NCAM1: variants seen among roughly 807,000 people sequenced by gnomAD.
The protein encoded by NCAM1 is antigen recognized by monoclonal antibody 5.1H11.
Under a neutral mutation model 109.8 loss-of-function variants are expected in NCAM1, and 14 were observed. The ratio of observed to expected loss-of-function variants is 0.13; its 90% confidence interval spans 0.08 to 0.20. The LOEUF (loss-of-function observed/expected upper bound fraction) is 0.20, where lower values mean the gene tolerates loss of function less well. Ranked by LOEUF, NCAM1 falls within the 10% of genes least tolerant of loss-of-function variation. The pLI is 1.00. For synonymous variants in NCAM1, 418 were observed against 442.9 expected, an observed-to-expected ratio of 0.94 and a Z score of 0.70; for missense variants, 774 against 1,109.9, an observed-to-expected ratio of 0.70 and a Z score of 4.30.
chr11:113,083,929 T>G (rs12417093), intron 1 of NCAM1, among the ~76,000 whole-genome samples: 8,033 of 152,220 alleles, frequency 0.053, 589 homozygotes, highest in Admixed American at 0.17. Flanking sequence ...AAGAGCCAGT[T>G]GAACTAACTA....
At chr11:113,025,419 A>G (rs553593778) in intron 1 of NCAM1, among the ~76,000 whole-genome samples, 2 of 152,318 alleles carry the variant, frequency 1.3e-5, no homozygotes, top group South Asian at 4.1e-4. Flanking sequence ...GCTGGGTTAC[A>G]GTGGTAACCT....
chr11:113,141,712 G>A (rs782814026), intron 1 of NCAM1, among the ~76,000 whole-genome samples: 19 of 151,960 alleles, frequency 1.3e-4, no homozygotes, highest in Non-Finnish European at 2.2e-4. Flanking sequence ...TAGACAGAAA[G>A]TGCTCAAGTA....
intron 1 of NCAM1, among the ~76,000 whole-genome samples, chr11:113,058,580 A>T (rs1953799292): frequency 6.6e-6 from 1 of 152,192 alleles, no homozygotes; most frequent in Non-Finnish European, 1.5e-5. Flanking sequence ...CTTATTGAGT[A>T]GGATAATTTG....
chr11:113,127,094 T>C (rs1251544067), intron 1 of NCAM1, among the ~76,000 whole-genome samples: 2 of 152,192 alleles, frequency 1.3e-5, no homozygotes, highest in Non-Finnish European at 2.9e-5. Flanking sequence ...CAACACATTG[T>C]CCCTGTTCTA....
chr11:112,994,912 A>G (rs1278164473), intron 1 of NCAM1, among the ~76,000 whole-genome samples: 1 of 151,898 alleles, frequency 6.6e-6, no homozygotes, highest in African/African-American at 2.4e-5. Context: ...TCCTTTTATG[A>G]TAAAGGTATT....
intron 14 of NCAM1, among the ~76,000 whole-genome samples, chr11:113,243,318 C>T (rs1250856873): frequency 6.6e-6 from 1 of 152,096 alleles, no homozygotes; most frequent in African/African-American, 2.4e-5. Context: ...AGGAAGGAGC[C>T]GCTGCTTCCT....
intron 1 of NCAM1, among the ~76,000 whole-genome samples, chr11:113,190,328 T>C (rs1414644265): frequency 6.6e-6 from 1 of 152,192 alleles, no homozygotes; most frequent in Non-Finnish European, 1.5e-5. Context: ...CCACATAGCC[T>C]GAGGACTGTT....
At chr11:113,154,875 CTGGAGAT>C (rs1942354525) in intron 1 of NCAM1, among the ~76,000 whole-genome samples, 1 of 152,100 alleles carries the variant, frequency 6.6e-6, no homozygotes, top group East Asian at 1.9e-4. Context: ...TGGGGGTCTG[CTGGAGAT>C]TGGAGATATA....
At chr11:113,009,798 G>T (rs1378132966) in intron 1 of NCAM1, among the ~76,000 whole-genome samples, 1 of 152,108 alleles carries the variant, frequency 6.6e-6, no homozygotes, top group South Asian at 2.1e-4. Flanking sequence ...GGAAGACCCT[G>T]TTATTCATGA....
intron 1 of NCAM1, among the ~76,000 whole-genome samples, chr11:113,084,542 C>T (rs1403354784): frequency 6.6e-6 from 1 of 152,128 alleles, no homozygotes. Flanking sequence ...AGTGTTTCAC[C>T]TTTCTTCGTG....
intron 1 of NCAM1, among the ~76,000 whole-genome samples, chr11:113,091,059 G>A (rs1939321372): frequency 6.6e-6 from 1 of 152,194 alleles, no homozygotes; most frequent in Non-Finnish European, 1.5e-5. Context: ...GTATGTGTGG[G>A]ATGAGCTAGT....
At chr11:113,189,894 A>AC (rs1555109530) in intron 1 of NCAM1, among the ~76,000 whole-genome samples, 1 of 151,026 alleles carries the variant, frequency 6.6e-6, no homozygotes, top group African/African-American at 2.4e-5. Flanking sequence ...AAAAAAAAAA[A>AC]CTATGCTGGA....
At chr11:113,196,623 GT>G (rs1482927821) in intron 1 of NCAM1, among the ~76,000 whole-genome samples, 2 of 152,186 alleles carry the variant, frequency 1.3e-5, no homozygotes, top group Non-Finnish European at 2.9e-5. Context: ...GGATGGTTCT[GT>G]TTTTCCCTGT....
chr11:113,046,057 G>T lies in NCAM1; in HGVS notation c.52+84393G>T, dbSNP rs188609817. On this transcript the variant is annotated intron_variant, in intron 1 of 19. Transcript: ENST00000316851. ...AGCATTTGGGGAAAATAACATGGGA[G>T]AGACAGCACAGTTTGATAATTATTT... Among the ~76,000 whole-genome samples the T allele has an allele frequency of 1.2e-4, 18 of 152,274 alleles. No homozygotes were observed. In the South Asian group the frequency reaches 1.7e-3, roughly 14 times the overall value.
intron 7 of NCAM1, among the ~76,000 whole-genome samples, chr11:113,210,760 C>T (rs1944362335): frequency 6.9e-6 from 1 of 144,686 alleles, no homozygotes; most frequent in Admixed American, 7.3e-5. Context: ...GACACATACA[C>T]CCCTCTTCAT....
At chr11:113,179,812 G>T (rs1308065117) in intron 1 of NCAM1, among the ~76,000 whole-genome samples, 1 of 152,164 alleles carries the variant, frequency 6.6e-6, no homozygotes, top group African/African-American at 2.4e-5. Context: ...TTGCTTTTAG[G>T]ATGCATGTCT....
rs375984527 is a variant in NCAM1, at chr11:113,000,817, C to CATATATATATAT, written c.52+39173_52+39184dup. 4.7e-3 allele frequency among the ~76,000 whole-genome samples: 608 copies of CATATATATATAT among 129,232 alleles called. 6 individuals are homozygous for CATATATATATAT. Among genetic ancestry groups the CATATATATATAT allele is most frequent in the African/African-American group, 0.013 (426 of 31,558 alleles). The allele number at this position is 129,232 out of a possible 152,430, so 84.8% of individuals were successfully genotyped here. On this transcript the variant is annotated intron_variant, in intron 1 of 19. Coordinates refer to ENST00000316851, the MANE Select transcript of NCAM1 (RefSeq NM_181351.5). The stretch of plus-strand genomic sequence containing the variant: ...GAGGCAACCTATAGAATTATATATA[C>CATATATATATAT]ATATATATATATATATATATATATA...
At chr11:113,081,305 C>T (rs1938803687) in intron 1 of NCAM1, among the ~76,000 whole-genome samples, 1 of 152,184 alleles carries the variant, frequency 6.6e-6, no homozygotes, top group African/African-American at 2.4e-5. Flanking sequence ...GCCTTCCATC[C>T]TCCAGTTAGC....
intron 1 of NCAM1, among the ~76,000 whole-genome samples, chr11:113,083,865 A>T (rs1555087761): frequency 6.6e-6 from 1 of 152,196 alleles, no homozygotes; most frequent in African/African-American, 2.4e-5. Flanking sequence ...ACTGAGATAC[A>T]GCAAAATCAC....
Sources: gnomAD v4.1 joint callset for allele counts (sites outside exome capture counted in the v4.1 genomes callset) on GRCh38, gnomAD v4.1.1 for gene constraint, MANE v1.5 for transcripts, NCBI Gene and HGNC (gene_info 2026-07-23, HGNC 2026-07-21) for gene names.